The following GMDS variants were observed in gnomAD, a reference collection of about 807,000 sequenced individuals.
GMDS encodes GDP-mannose 4,6-dehydratase, also known as GDP-mannose 4,6 dehydratase.
Under a neutral mutation model 49.9 loss-of-function variants are expected in GMDS, and 20 were observed. The ratio of observed to expected loss-of-function variants is 0.40; its 90% CI spans 0.28 to 0.58. GMDS has a LOEUF of 0.58. GMDS is among the 20% of genes least tolerant of loss of function. The pLI is 0.42. For missense variants in GMDS, 362 were observed against 481.4 expected, an observed-to-expected ratio of 0.75 and a Z score of 2.32; for synonymous variants, 177 against 178.6, an observed-to-expected ratio of 0.99 and a Z score of 0.07.
At chr6:1,630,230 C>G (rs764782756) in intron 9 of GMDS, among the ~76,000 whole-genome samples, 1 of 152,372 alleles carries the variant, frequency 6.6e-6, no homozygotes, top group East Asian at 1.9e-4. Flanking sequence ...AAAACATATT[C>G]TGGAGAAAGC....
intron 7 of GMDS, among the ~76,000 whole-genome samples, chr6:1,765,783 G>C (rs1768326893): frequency 6.6e-6 from 1 of 152,126 alleles, no homozygotes; most frequent in African/African-American, 2.4e-5. Flanking sequence ...GCTGGTGCCC[G>C]AGACACTCCC....
Position 1,661,512 on chromosome 6 carries a change from G to A in GMDS, c.988-36972C>T, listed in dbSNP as rs528830751. 7.2e-5 allele frequency among the ~76,000 whole-genome samples: 11 copies of A among 152,326 alleles called. No homozygotes were observed. In the South Asian group the frequency reaches 1.9e-3, roughly 26 times the overall value. The stretch of plus-strand genomic sequence containing the variant: ...GGCTTGCTTGAGGCCACACAAGCCC[G>A]AGTGGGTCTGGGAATGTAGTTTGGA... On this transcript the variant is annotated intron_variant, in intron 9 of 10. Coordinates refer to ENST00000380815, the MANE Select transcript of GMDS (RefSeq NM_001500.4).
intron 4 of GMDS, among the ~76,000 whole-genome samples, chr6:2,003,202 G>A (rs1159323996): frequency 6.6e-6 from 1 of 152,068 alleles, no homozygotes; most frequent in South Asian, 2.1e-4. Flanking sequence ...AAACCTTGAC[G>A]ACAATGTTGC....
At position 2,065,363 on chromosome 6, in the gene GMDS, C is replaced by T. The variant is rs575071153; in HGVS notation, c.345+50408G>A. On this transcript the variant is annotated intron_variant, in intron 4 of 10. Coordinates refer to ENST00000380815, the MANE Select transcript of GMDS (RefSeq NM_001500.4). Reference sequence around the variant, plus strand: ...AAACTGGAAACTCTAAAAAGCAGAGCGCCTCTCCTCCTCCAAAGGAACACA... The same window carrying T: ...AAACTGGAAACTCTAAAAAGCAGAGTGCCTCTCCTCCTCCAAAGGAACACA... 2.5e-3 allele frequency among the ~76,000 whole-genome samples: 380 copies of T among 152,300 alleles called. 1 individual carries two copies. The highest frequency in any genetic ancestry group is 8.8e-3 in the African/African-American group (367 of 41,578).
At chr6:2,071,337 A>G (rs532066854) in intron 4 of GMDS, among the ~76,000 whole-genome samples, 2 of 152,282 alleles carry the variant, frequency 1.3e-5, no homozygotes, top group East Asian at 1.9e-4. Flanking sequence ...ATTGGTCTCA[A>G]CTAAGAAATC....
rs944712421 is a variant in GMDS, at chr6:2,069,348, T to C, written c.345+46423A>G. The stretch of plus-strand genomic sequence containing the variant: ...AACCTAGGCTTTACCATTCAGGACA[T>C]AGGCATGGGCAAGGACTTCATGTCT... On this transcript the variant is annotated intron_variant, in intron 4 of 10. Transcript: ENST00000380815. Among the ~76,000 whole-genome samples, 118 of 152,270 alleles carry C rather than the reference T, an allele frequency of 7.7e-4. 1 individual carries two copies. Among genetic ancestry groups the C allele is most frequent in the African/African-American group, 2.5e-3 (103 of 41,554 alleles).
At chr6:1,954,847 C>T (rs1278371431) in intron 6 of GMDS, among the ~76,000 whole-genome samples, 12 of 152,018 alleles carry the variant, frequency 7.9e-5, no homozygotes, top group Admixed American at 6.6e-5. Context: ...GGGAACGGGG[C>T]GGCGGTGGCA....
intron 9 of GMDS, among the ~76,000 whole-genome samples, chr6:1,660,579 T>C (rs962758790): frequency 9.2e-5 from 14 of 151,374 alleles, no homozygotes; most frequent in African/African-American, 2.7e-4. Flanking sequence ...CATGTGTCAA[T>C]GAGGAAAAGG....
At chr6:2,061,221 G>A (rs1393963047) in intron 4 of GMDS, among the ~76,000 whole-genome samples, 1 of 152,058 alleles carries the variant, frequency 6.6e-6, no homozygotes, top group African/African-American at 2.4e-5. Context: ...GGAAACCCTT[G>A]CAAACAGACC....
intron 6 of GMDS, among the ~76,000 whole-genome samples, chr6:1,950,139 A>C (rs188322097): frequency 1.3e-5 from 2 of 152,318 alleles, no homozygotes; most frequent in East Asian, 3.9e-4. Flanking sequence ...GATTAACTGA[A>C]AACAAGTCCC....
rs530722175 is a variant in GMDS at position 1,743,291 on chromosome 6, C to T, written c.772-705G>A. Among the ~76,000 whole-genome samples the T allele has an allele frequency of 4.5e-4, 69 of 152,302 alleles. No individual in the cohort carries two copies. In the South Asian group the frequency reaches 0.01, roughly 23 times the overall value. ...ATGTCTAGCAGGGCGCGGTGGCTCA[C>T]GCCTGTCGTCCCAGCACTTTGGGAG... On this transcript the variant is annotated intron_variant, in intron 7 of 10. Transcript: ENST00000380815.
At chr6:1,993,037 T>A (rs1410074999) in intron 4 of GMDS, among the ~76,000 whole-genome samples, 4 of 152,214 alleles carry the variant, frequency 2.6e-5, no homozygotes, top group Admixed American at 2.6e-4. Context: ...GCACCACAGA[T>A]GTGAGTAGAT....
intron 9 of GMDS, among the ~76,000 whole-genome samples, chr6:1,632,327 C>T (rs1240517456): frequency 6.6e-5 from 10 of 152,172 alleles, no homozygotes; most frequent in African/African-American, 2.4e-4. Context: ...GAAACTGACA[C>T]AGAAGAGTCC....
At chr6:2,044,684 A>T (rs1769894827) in intron 4 of GMDS, among the ~76,000 whole-genome samples, 1 of 152,180 alleles carries the variant, frequency 6.6e-6, no homozygotes, top group Non-Finnish European at 1.5e-5. Context: ...CCCATATAAC[A>T]AACCTGCACG....
intron 7 of GMDS, among the ~76,000 whole-genome samples, chr6:1,926,995 GTATTTTTATTCAGAGGGTAGCGTGTTGA>G (rs1762038540): frequency 4.8e-5 from 5 of 104,150 alleles, no homozygotes; most frequent in Non-Finnish European, 6.8e-5. Context: ...GCGTGTTGAT[GTATTTTTATTCAGAGGGTAGCGTGTTGA>G]TGTATTTTTA....
rs369072501 is a variant in GMDS, at chr6:1,624,902, G to A, written c.988-362C>T. Among the ~76,000 whole-genome samples the A allele has an allele frequency of 5.0e-4, 67 of 132,720 alleles. 1 individual carries two copies. Among genetic ancestry groups the A allele is most frequent in the African/African-American group, 1.8e-3 (65 of 35,392 alleles). The allele number at this position is 132,720 out of a possible 152,430, so 87.1% of individuals were successfully genotyped here. A position where few individuals can be genotyped will look rare whatever the true frequency, so the allele number is the denominator to read the frequency against. ...GCTCCTATGAGAACTGTTTGGAATT[G>A]CTGCACTTCTCTGGCTAGGAGGGAA... On this transcript the variant is annotated intron_variant, in intron 9 of 10. Transcript: ENST00000380815.
chr6:2,130,251 A>T (rs909074688), intron 1 of GMDS, among the ~76,000 whole-genome samples: 1 of 152,254 alleles, frequency 6.6e-6, no homozygotes, highest in African/African-American at 2.4e-5. Context: ...TGAGGATACC[A>T]TCAATATTTA....
intron 4 of GMDS, among the ~76,000 whole-genome samples, chr6:2,019,418 TATG>T (rs1768119269): frequency 3.3e-5 from 5 of 152,056 alleles, no homozygotes; most frequent in African/African-American, 1.2e-4. Flanking sequence ...CACTATTAAG[TATG>T]ATATTACCTG....
intron 6 of GMDS, among the ~76,000 whole-genome samples, chr6:1,943,052 A>G (rs1762893255): frequency 6.6e-6 from 1 of 152,128 alleles, no homozygotes; most frequent in Non-Finnish European, 1.5e-5. Flanking sequence ...ATGGCTATAA[A>G]CTGCCTATGG....
Sources: allele counts gnomAD v4.1 joint callset (sites outside exome capture counted in the v4.1 genomes callset), GRCh38; gene constraint gnomAD v4.1.1; transcripts MANE v1.5; gene names NCBI Gene and HGNC (gene_info 2026-07-23, HGNC 2026-07-21).